Variants in ROR2 observed in about 807,000 individuals in gnomAD.
The protein encoded by ROR2 is ROR family WNT receptor 2.
Under a neutral mutation model 74.9 loss-of-function variants are expected in ROR2, and 33 were observed. The ratio of observed to expected loss-of-function variants is 0.44; its 90% CI spans 0.33 to 0.59. The LOEUF (loss-of-function observed/expected upper bound fraction) is 0.59. Ranked by LOEUF, ROR2 falls within the 20% of genes least tolerant of loss-of-function variation. The probability of loss-of-function intolerance (pLI) is 0.02; values close to 1 mark genes in which losing one functional copy is unlikely to be tolerated. For missense variants in ROR2, 1,216 were observed against 1,313.8 expected (o/e 0.93, Z 1.15); for synonymous variants, 586 against 558.7 (o/e 1.05, Z -0.69).
At chr9:91,911,933 CAAAAAAAAA>C (rs747087662) in intron 1 of ROR2, among the ~76,000 whole-genome samples, 1 of 76,394 alleles carries the variant, frequency 1.3e-5, no homozygotes, top group South Asian at 5.7e-4. Flanking sequence ...TGAGTCTAAG[CAAAAAAAAA>C]AAAAAAAAAA....
At chr9:91,911,628 C>G (rs1830984103) in intron 1 of ROR2, among the ~76,000 whole-genome samples, 1 of 152,090 alleles carries the variant, frequency 6.6e-6, no homozygotes, top group South Asian at 2.1e-4. Flanking sequence ...TACAAAGCCA[C>G]ACTAGACAAA....
chr9:91,781,653 A>T (rs562023267), intron 1 of ROR2, among the ~76,000 whole-genome samples: 2 of 152,268 alleles, frequency 1.3e-5, no homozygotes, highest in African/African-American at 4.8e-5. Flanking sequence ...CCAGTACCTA[A>T]TTGGTAGTGG....
chr9:91,913,376 AT>A (rs146873314), intron 1 of ROR2, among the ~76,000 whole-genome samples: 2 of 151,986 alleles, frequency 1.3e-5, no homozygotes, highest in Non-Finnish European at 2.9e-5. Flanking sequence ...CCAAAATTTG[AT>A]TTTTTTTCTC....
intron 1 of ROR2, among the ~76,000 whole-genome samples, chr9:91,850,619 A>T (rs1185663719): frequency 6.6e-6 from 1 of 152,206 alleles, no homozygotes; most frequent in African/African-American, 2.4e-5. Context: ...GGCCACACCC[A>T]CCCAGGCTAG....
chr9:91,946,837 A>G (rs1263846063), intron 1 of ROR2, among the ~76,000 whole-genome samples: 1 of 152,112 alleles, frequency 6.6e-6, no homozygotes, highest in East Asian at 1.9e-4. Context: ...AACCTTTCTA[A>G]AGGGGATTAA....
intron 4 of ROR2, among the ~76,000 whole-genome samples, chr9:91,742,674 A>G (rs962110263): frequency 3.3e-5 from 5 of 152,210 alleles, no homozygotes; most frequent in African/African-American, 7.2e-5. Context: ...GAGCTGTCAT[A>G]ACACTGTAGT....
At chr9:91,740,801 G>A (rs900973141) in intron 4 of ROR2, among the ~76,000 whole-genome samples, 10 of 152,054 alleles carry the variant, frequency 6.6e-5, no homozygotes, top group Non-Finnish European at 1.5e-4. Context: ...GACTGAAACG[G>A]AATTTGGCAG....
intron 2 of ROR2, among the ~76,000 whole-genome samples, chr9:91,769,762 T>C (rs1826170980): frequency 6.6e-6 from 1 of 152,094 alleles, no homozygotes; most frequent in Admixed American, 6.5e-5. Flanking sequence ...CGGCCCCGCC[T>C]CCCTCCAGTA....
chr9:91,913,036 G>A (rs1235150673), intron 1 of ROR2, among the ~76,000 whole-genome samples: 2 of 152,202 alleles, frequency 1.3e-5, no homozygotes, highest in African/African-American at 4.8e-5. Context: ...GGCTGAGGCA[G>A]GAGAATCGCT....
intron 1 of ROR2, among the ~76,000 whole-genome samples, chr9:91,893,943 T>C (rs1830481166): frequency 6.6e-6 from 1 of 152,220 alleles, no homozygotes; most frequent in Non-Finnish European, 1.5e-5. Context: ...CAGAATTCTT[T>C]TCACTTTGCA....
intron 1 of ROR2, among the ~76,000 whole-genome samples, chr9:91,861,271 C>T (rs1021564278): frequency 6.6e-6 from 1 of 152,070 alleles, no homozygotes; most frequent in Non-Finnish European, 1.5e-5. Context: ...AGAGATTGAC[C>T]TGCTGCTTCT....
intron 4 of ROR2, among the ~76,000 whole-genome samples, chr9:91,739,368 G>A (rs562168380): frequency 1.3e-5 from 2 of 152,196 alleles, no homozygotes; most frequent in African/African-American, 4.8e-5. Context: ...CTAGCTGGGC[G>A]TGGTGGCGTG....
chr9:91,839,869 T>G (rs988061534), intron 1 of ROR2, among the ~76,000 whole-genome samples: 3 of 152,058 alleles, frequency 2.0e-5, no homozygotes, highest in African/African-American at 7.2e-5. Context: ...ACAATTCCCC[T>G]TCTCAACCAC....
chr9:91,843,826 G>A (rs752821120), intron 1 of ROR2, among the ~76,000 whole-genome samples: 10 of 152,230 alleles, frequency 6.6e-5, no homozygotes, highest in Non-Finnish European at 1.3e-4. Flanking sequence ...GAGTGACCTC[G>A]TTTAGTTAGA....
intron 1 of ROR2, among the ~76,000 whole-genome samples, chr9:91,814,846 C>T (rs2119117787): frequency 6.6e-6 from 1 of 152,302 alleles, no homozygotes; most frequent in African/African-American, 2.4e-5. Flanking sequence ...GCCCATGGGC[C>T]GTGGAACGTA....
At chr9:91,859,220 G>A (rs868231369) in intron 1 of ROR2, among the ~76,000 whole-genome samples, 2 of 29,648 alleles carry the variant, frequency 6.7e-5, no homozygotes, top group South Asian at 1.9e-3. Context: ...TTTTTTTTTT[G>A]AGACAGAGTC....
At chr9:91,811,699 C>A (rs1035837973) in intron 1 of ROR2, among the ~76,000 whole-genome samples, 3 of 152,236 alleles carry the variant, frequency 2.0e-5, no homozygotes, top group Non-Finnish European at 2.9e-5. Flanking sequence ...GGGGCAGCCC[C>A]ACACCTGGAA....
chr9:91,867,658 G>C (rs62565672), intron 1 of ROR2, among the ~76,000 whole-genome samples: 607 of 56,960 alleles, frequency 0.011, 2 homozygotes, highest in African/African-American at 0.033. Flanking sequence ...CCCATGAGCT[G>C]TGTGTGTGTG....
chr9:91,832,854 T>C (rs1365862388), intron 1 of ROR2, among the ~76,000 whole-genome samples: 2 of 152,094 alleles, frequency 1.3e-5, no homozygotes, highest in Non-Finnish European at 2.9e-5. Context: ...AAATACAACG[T>C]CCATCTTGGC....
Sources: gnomAD v4.1 joint callset for allele counts (sites outside exome capture counted in the v4.1 genomes callset) on GRCh38, gnomAD v4.1.1 for gene constraint, MANE v1.5 for transcripts, NCBI Gene and HGNC (gene_info 2026-07-23, HGNC 2026-07-21) for gene names.